INPP4A: variants seen among roughly 807,000 people sequenced by gnomAD.
The protein encoded by INPP4A is inositol polyphosphate-4-phosphatase type I A, also known as inositol polyphosphate-4-phosphatase, type I, 107kD.
A neutral mutation model predicts 119.8 loss-of-function variants in INPP4A; 33 were observed. That is an observed-to-expected ratio of 0.28 (90% CI 0.21 to 0.37). The LOEUF (loss-of-function observed/expected upper bound fraction) is 0.37, where lower values mean the gene tolerates loss of function less well. Among genes scored for constraint, INPP4A ranks in the 10% least tolerant of loss-of-function variants. INPP4A has a pLI of 1.00. For synonymous variants in INPP4A, 496 were observed against 500.7 expected (o/e 0.99, Z 0.12); for missense variants, 956 against 1,289.9 (o/e 0.74, Z 3.97).
At chr2:98,510,951 G>A (rs1484779866) in intron 1 of INPP4A, among the ~76,000 whole-genome samples, 1 of 152,230 alleles carries the variant, frequency 6.6e-6, no homozygotes, top group African/African-American at 2.4e-5. Context: ...AGAGATAAAT[G>A]AACATCTCCC....
chr2:98,534,987 G>T (rs1689961036), intron 5 of INPP4A, among the ~76,000 whole-genome samples: 1 of 152,152 alleles, frequency 6.6e-6, no homozygotes, highest in Non-Finnish European at 1.5e-5. Context: ...AGGGAGAGAT[G>T]AGTTGGTTGA....
intron 15 of INPP4A, among the ~76,000 whole-genome samples, chr2:98,555,347 A>G (rs1016170742): frequency 2.0e-5 from 3 of 152,202 alleles, no homozygotes; most frequent in African/African-American, 7.2e-5. Context: ...TCTAAAAACA[A>G]TGGCCGCAGG....
intron 1 of INPP4A, among the ~76,000 whole-genome samples, chr2:98,469,066 A>G (rs1675416958): frequency 6.6e-6 from 1 of 152,168 alleles, no homozygotes; most frequent in Admixed American, 6.5e-5. Context: ...CTTTTGAAAA[A>G]CATGGCAGCC....
intron 1 of INPP4A, among the ~76,000 whole-genome samples, chr2:98,491,297 C>G (rs541770923): frequency 6.6e-6 from 1 of 152,334 alleles, no homozygotes; most frequent in Admixed American, 6.5e-5. Context: ...ACCCGAGGGT[C>G]TCATGAGCAG....
intron 1 of INPP4A, among the ~76,000 whole-genome samples, chr2:98,492,450 T>G (rs1416429914): frequency 1.3e-5 from 2 of 152,240 alleles, no homozygotes; most frequent in African/African-American, 4.8e-5. Flanking sequence ...ATCTCTCTTG[T>G]CTGAAGGGGT....
intron 6 of INPP4A, 41 bp downstream of exon 6, chr2:98,535,886 T>C: frequency 9.8e-7 from 1 of 1,022,392 alleles, no homozygotes. Flanking sequence ...TTCTTCCCTT[T>C]GAAAAAATTA....
rs1041301070 is a variant in INPP4A, at chr2:98,592,462, T to C, written c.*4854T>C. The C allele has an allele frequency of 2.0e-5, 3 of 152,086 alleles. No individual in the cohort carries two copies. Among genetic ancestry groups the C allele is most frequent in the Non-Finnish European group, 2.9e-5 (2 of 68,020 alleles). 9.4% of individuals were successfully genotyped at this position (152,086 alleles called of 1,614,324 possible). A position where few individuals can be genotyped will look rare whatever the true frequency, so the allele number is the denominator to read the frequency against. ...GCTGGCTTATCGGGATCCATGATGG[T>C]TTTTACACTTTTAAAAGTGCCCTCT... On this transcript the variant is annotated 3_prime_UTR_variant, in exon 25 of 25. Transcript: ENST00000409851.
chr2:98,474,904 T>A (rs1676887078), intron 1 of INPP4A, among the ~76,000 whole-genome samples: 1 of 152,210 alleles, frequency 6.6e-6, no homozygotes, highest in African/African-American at 2.4e-5. Context: ...CTGCAGTGGC[T>A]CAGCTTTGTT....
At chr2:98,528,880 A>G (rs536402445) in intron 4 of INPP4A, among the ~76,000 whole-genome samples, 1 of 152,220 alleles carries the variant, frequency 6.6e-6, no homozygotes, top group Admixed American at 6.5e-5. Flanking sequence ...GATCGAGACC[A>G]TCCTGGCTAA....
rs1446664772 is a variant in INPP4A at position 98,570,095 on chromosome 2, C to T, written c.2518+1427C>T. ...ACAGACCTGGCTCTGGGCAAGGACG[C>T]TGGAGTTGCCGGCAACAGCTGGGGC... On this transcript the variant is annotated intron_variant, in intron 22 of 24. Coordinates refer to ENST00000409851, the MANE Select transcript of INPP4A (RefSeq NM_001134225.2). The surrounding 1 kb of genome is among the most constrained non-coding windows in gnomAD (Gnocchi z 4.3). Among the ~76,000 whole-genome samples, 2 of 152,084 alleles carry T rather than the reference C, an allele frequency of 1.3e-5. No homozygotes were observed. Among genetic ancestry groups the T allele is most frequent in the African/African-American group, 4.8e-5 (2 of 41,396 alleles).
rs2106395949 is a variant in INPP4A at position 98,569,476 on chromosome 2, T to C, written c.2518+808T>C. 1 of 152,342 alleles carries C rather than the reference T, an allele frequency of 6.6e-6. No homozygotes were observed. The highest frequency in any genetic ancestry group is 1.5e-5 in the Non-Finnish European group (1 of 68,104). 9.4% of individuals were successfully genotyped at this position (152,342 alleles called of 1,614,324 possible). On this transcript the variant is annotated intron_variant, in intron 22 of 24. Coordinates refer to ENST00000409851, the MANE Select transcript of INPP4A (RefSeq NM_001134225.2). This position sits in a 1 kb window ranked among gnomAD's most constrained non-coding sequence, Gnocchi z 5.1. ...GGGGTTTCCAAAGAGGGAACCCACA[T>C]CGGCTGGGCTTTGCATTGGGCAGGC...
chr2:98,564,594 T>G, intron 18 of INPP4A, 46 bp from the exon 19 acceptor site: 16 of 1,610,534 alleles, frequency 9.9e-6, no homozygotes, highest in Non-Finnish European at 1.4e-5. Context: ...TGCCATTTGG[T>G]GAGCAGGCAC....
At chr2:98,549,165 G>A (rs1693031125) in intron 13 of INPP4A, among the ~76,000 whole-genome samples, 1 of 152,134 alleles carries the variant, frequency 6.6e-6, no homozygotes, top group Admixed American at 6.5e-5. Flanking sequence ...TCAGTCTGCT[G>A]TTTTACCTTT....
rs760166680 is a variant in INPP4A at position 98,539,548 on chromosome 2, C to T, written c.691C>T (p.Arg231Cys). 54 of 1,610,466 alleles carry T rather than the reference C, an allele frequency of 3.4e-5. No homozygotes were observed. Among genetic ancestry groups the T allele is most frequent in the Non-Finnish European group, 4.2e-5 (49 of 1,177,958 alleles). Residue 231 changes from arginine to cysteine, a missense_variant, in exon 10 of 25, where the codon CGC becomes TGC. Arg to Cys is a radical substitution (Grantham distance 180). This residue lies in a region of INPP4A where 652 missense variants were observed against 797.9 expected (regional missense o/e 0.82). Coordinates refer to ENST00000409851, the MANE Select transcript of INPP4A (RefSeq NM_001134225.2). ...CTCAGTGTTCGGTGGTGCCATCTGC[C>T]GCATGTACCGGTTTCCAACCACTGA... ...LKSVFGGAIC[R>C]MYRFPTTDGN...
Position 98,563,933 on chromosome 2 carries a change from G to GTT in INPP4A, c.2028+316_2028+317dup, listed in dbSNP as rs60347668. ...TGGGTGGCACAGGCTTCTTTGCTGC[G>GTT]TTTTTTTTTTTTTTTTTTTTTACTG... On this transcript the variant is annotated intron_variant, in intron 18 of 24. Transcript: ENST00000409851. 3.9e-3 allele frequency among the ~76,000 whole-genome samples: 493 copies of GTT among 125,452 alleles called. 3 individuals are homozygous for GTT. Among genetic ancestry groups the GTT allele is most frequent in the African/African-American group, 0.012 (417 of 33,712 alleles). 82.3% of individuals were successfully genotyped at this position (125,452 alleles called of 152,430 possible). A position where few individuals can be genotyped will look rare whatever the true frequency, so the allele number is the denominator to read the frequency against.
At chr2:98,525,336 T>C (rs1687998547) in intron 4 of INPP4A, among the ~76,000 whole-genome samples, 1 of 152,186 alleles carries the variant, frequency 6.6e-6, no homozygotes, top group Admixed American at 6.5e-5. Context: ...CCCTAAGGCC[T>C]TCCTCTTCTA....
intron 1 of INPP4A, among the ~76,000 whole-genome samples, chr2:98,497,554 G>T (rs1278555763): frequency 6.6e-6 from 1 of 152,154 alleles, no homozygotes; most frequent in African/African-American, 2.4e-5. Context: ...TCTTCTTTTG[G>T]GAAATGTCTA....
intron 1 of INPP4A, among the ~76,000 whole-genome samples, chr2:98,461,618 A>G (rs1477023208): frequency 3.3e-5 from 5 of 152,226 alleles, no homozygotes; most frequent in African/African-American, 1.2e-4. Context: ...CCTGTTTCCT[A>G]CCCTATCCTC....
chr2:98,581,011 G>A (rs953405275), intron 24 of INPP4A, among the ~76,000 whole-genome samples: 2 of 152,218 alleles, frequency 1.3e-5, no homozygotes, highest in Admixed American at 1.3e-4. Context: ...AACCCGAGGC[G>A]GGGCTGGTGG....
Sources: gnomAD v4.1 joint callset for allele counts (sites outside exome capture counted in the v4.1 genomes callset) on GRCh38, gnomAD v4.1.1 for gene constraint, gnomAD v4.1.1 regional missense constraint, Gnocchi (gnomAD v3.1) non-coding constraint, MANE v1.5 for transcripts, NCBI Gene and HGNC (gene_info 2026-07-23, HGNC 2026-07-21) for gene names.